Variants in DSPP observed in about 807,000 individuals in gnomAD.
DSPP encodes deafness, autosomal dominant 39.
Under a neutral mutation model 29.1 loss-of-function variants are expected in DSPP, and 28 were observed. The observed-to-expected ratio is 0.96, with a 90% CI of 0.71 to 1.32. DSPP has a LOEUF of 1.32. Among genes scored for constraint, DSPP ranks in the 40% most tolerant of loss-of-function variants. The pLI is 0.00. For synonymous variants in DSPP, 481 were observed against 503.4 expected, an observed-to-expected ratio of 0.96 and a Z score of 0.60; for missense variants, 1,281 against 1,629.9, an observed-to-expected ratio of 0.79 and a Z score of 3.69.
At chr4:87,610,016 A>T (rs984775306) in intron 1 of DSPP, among the ~76,000 whole-genome samples, 12 of 152,222 alleles carry the variant, frequency 7.9e-5, no homozygotes, top group Non-Finnish European at 1.5e-4. Context: ...GATATTGCTG[A>T]TAGTCATAAA....
intron 4 of DSPP, 50 bp downstream of exon 4, chr4:87,613,358 T>C (rs780479077): frequency 1.9e-6 from 3 of 1,592,472 alleles, no homozygotes; most frequent in Non-Finnish European, 2.6e-6. Context: ...ATTCTTCCCC[T>C]CCATCTATTG....
Position 87,613,439 on chromosome 4 carries a change from G to T in DSPP, c.1122+131G>T, listed in dbSNP as rs1578140472. The T allele has an allele frequency of 8.0e-6, 9 of 1,122,894 alleles. No individual in the cohort carries two copies. In the East Asian group the frequency reaches 2.3e-4, roughly 29 times the overall value. The allele number at this position is 1,122,894 out of a possible 1,614,324, so 69.6% of individuals were successfully genotyped here. A position where few individuals can be genotyped will look rare whatever the true frequency, so the allele number is the denominator to read the frequency against. On this transcript the variant is annotated intron_variant, in intron 4 of 4. Transcript: ENST00000651931. ...TATCCATATTACTTGACTATTTAAGGAAATCTAGAGTCCTTACTAGACTTC... is the reference window on the plus strand; with the variant it reads ...TATCCATATTACTTGACTATTTAAGTAAATCTAGAGTCCTTACTAGACTTC...
chr4:87,613,921 T>A lies in DSPP; in HGVS notation c.1259T>A (p.Val420Asp). 1.9e-6 allele frequency: 3 copies of A among 1,613,832 alleles called. 1 individual carries two copies. In the South Asian group the frequency reaches 3.3e-5, roughly 18 times the overall value. ...GGCAATGTCAAGACACAAGGAGAGG[T>A]TGTCAACATAGAAGGACCTGGCCAA... ...GKGNVKTQGE[V>D]VNIEGPGQKS... Residue 420 changes from valine (V) to aspartate (D), a missense_variant, in exon 5 of 5, where the codon GTT becomes GAT. This residue lies in a region of DSPP where 631 missense variants were observed against 643.2 expected (regional missense o/e 0.98). Transcript: ENST00000651931.
In DSPP at chr4:87,614,498, CAGTAGTGAT is replaced by C. The variant is rs1270405253; in HGVS notation, c.1845_1853del (p.Ser620_Ser622del). On this transcript the variant is annotated inframe_deletion, in exon 5 of 5. Coordinates refer to ENST00000651931, the MANE Select transcript of DSPP (RefSeq NM_014208.3). ...GTAGTGACAGCAGTGATAGCAGTGACAGTAGTGATAGTAGTGACAGCAGTGACAGCAAGT... is the reference window on the plus strand; with the variant it reads ...GTAGTGACAGCAGTGATAGCAGTGACAGTAGTGACAGCAGTGACAGCAAGT... The C allele has an allele frequency of 2.6e-6, 4 of 1,551,302 alleles. No homozygotes were observed. The highest frequency in any genetic ancestry group is 2.6e-6 in the Non-Finnish European group (3 of 1,146,920).
chr4:87,611,147 G>A (rs946692302), intron 2 of DSPP, among the ~76,000 whole-genome samples, 188 bp downstream of exon 2: 1 of 150,748 alleles, frequency 6.6e-6, no homozygotes, highest in Non-Finnish European at 1.5e-5. Context: ...ATTTAGATTT[G>A]CACTAAGGGC....
At position 87,612,954 on chromosome 4, in the gene DSPP, C is replaced by T. The variant is rs374400491; in HGVS notation, c.768C>T (p.Asp256=). The change falls in exon 4 of 5, where the codon GAC becomes GAT. Residue 256 remains aspartate, a synonymous_variant. Transcript: ENST00000651931. ...PSGNGADEDE[D]EGSGDDEDEE... is the part of the protein sequence containing the mutation. Reference sequence around the variant, plus strand: ...GGAATGGAGCAGATGAGGATGAAGACGAGGGTTCTGGTGATGATGAAGATG... The same window carrying T: ...GGAATGGAGCAGATGAGGATGAAGATGAGGGTTCTGGTGATGATGAAGATG... The T allele has an allele frequency of 1.6e-4, 252 of 1,613,714 alleles. No individual in the cohort carries two copies. The African/African-American group carries it at 1.7e-3, about 11-fold the overall frequency.
At chr4:87,610,405 A>G (rs1240090485) in intron 1 of DSPP, among the ~76,000 whole-genome samples, 1 of 152,210 alleles carries the variant, frequency 6.6e-6, no homozygotes, top group East Asian at 1.9e-4. Context: ...CTCTGAATAC[A>G]AACCCCGTAT....
rs200350687 is a variant in DSPP, at chr4:87,615,021, G to A, written c.2359G>A (p.Asp787Asn). 2,228 of 1,548,688 alleles carry A rather than the reference G, an allele frequency of 1.4e-3. 20 individuals carry two copies. In the African/African-American group the frequency reaches 0.023, roughly 16 times the overall value. Residue 787 changes from aspartate (D) to asparagine (N), a missense_variant, in exon 5 of 5, where the codon GAC (aspartate) becomes AAC (asparagine). Asp to Asn is a conservative substitution (Grantham distance 23). Coordinates refer to ENST00000651931, the MANE Select transcript of DSPP (RefSeq NM_014208.3). Reference protein sequence around the residue: ...SDSSNSSDSNDSSNSSDSSDS... With the variant: ...SDSSNSSDSNNSSNSSDSSDS... ...CAGCAGCAACAGCAGTGATAGCAACGACAGCAGCAATAGCAGTGACAGCAG... is the reference window on the plus strand; with the variant it reads ...CAGCAGCAACAGCAGTGATAGCAACAACAGCAGCAATAGCAGTGACAGCAG...
chr4:87,616,334 CAGCAGCGACAGCAGTGACAGCAATGAA>C lies in DSPP; in HGVS notation c.3695_3721del (p.Asn1232_Ser1240del), dbSNP rs1727950506. The C allele has an allele frequency of 8.0e-6, 12 of 1,498,594 alleles. No individual in the cohort carries two copies. The highest frequency in any genetic ancestry group is 2.5e-5 in the South Asian group (2 of 80,576). The allele number at this position is 1,498,594 out of a possible 1,614,324, so 92.8% of individuals were successfully genotyped here. ...GCAGTGACAGCAGCGACAGCAGTGA[CAGCAGCGACAGCAGTGACAGCAATGAA>C]AGCAGCGACAGCAGTGACAGCAGCG... On this transcript the variant is annotated inframe_deletion, in exon 5 of 5. Coordinates refer to ENST00000651931, the MANE Select transcript of DSPP (RefSeq NM_014208.3).
Position 87,614,485 on chromosome 4 carries a change from G to T in DSPP, c.1823G>T (p.Ser608Ile), listed in dbSNP as rs752694850. ...AATAGCAGTGACAGTAGTGACAGCA[G>T]TGATAGCAGTGACAGTAGTGATAGT... is the stretch of plus-strand genomic sequence containing the variant. ...SSNSSDSSDSSDSSDSSDSSD... is the reference protein window; with the variant it reads ...SSNSSDSSDSIDSSDSSDSSD... The change falls in exon 5 of 5, where the codon AGT becomes ATT. Residue 608 changes from serine (S) to isoleucine (I), a missense_variant. By Grantham distance (142) the Ser-to-Ile change is moderately radical. Transcript: ENST00000651931. The T allele has an allele frequency of 1.7e-5, 26 of 1,551,634 alleles. No individual in the cohort carries two copies. The highest frequency in any genetic ancestry group is 2.1e-5 in the Non-Finnish European group (24 of 1,147,026).
rs988621549 is a variant in DSPP at position 87,613,789 on chromosome 4, T to C, written c.1127T>C (p.Ile376Thr). Residue 376 changes from isoleucine to threonine, a missense_variant, in exon 5 of 5, where the codon ATA becomes ACA. Ile to Thr is a moderately conservative substitution (Grantham distance 89, BLOSUM62 -1). Coordinates refer to ENST00000651931, the MANE Select transcript of DSPP (RefSeq NM_014208.3). ...CTTTCCTCCATCCTTCCATAGGGAA[T>C]AGAAATCAAGGGTCCCAGCAGTGGC... is the stretch of plus-strand genomic sequence containing the variant. ...HAVGKSQDKGIEIKGPSSGNR... is the reference protein window; with the variant it reads ...HAVGKSQDKGTEIKGPSSGNR... 1.9e-6 allele frequency: 3 copies of C among 1,614,124 alleles called. No homozygotes were observed. Among genetic ancestry groups the C allele is most frequent in the Non-Finnish European group, 1.7e-6 (2 of 1,180,008 alleles).
rs368745275 is a variant in DSPP at position 87,615,506 on chromosome 4, T to A, written c.2844T>A (p.Ser948Arg). The A allele has an allele frequency of 2.7e-4, 416 of 1,542,096 alleles. No homozygotes were observed. Among genetic ancestry groups the A allele is most frequent in the Admixed American group, 6.7e-4 (34 of 50,530 alleles). The change falls in exon 5 of 5, where the codon AGT becomes AGA. Residue 948 changes from serine (S) to arginine (R), a missense_variant. Ser to Arg is a moderately radical substitution (Grantham distance 110, BLOSUM62 -1). This residue lies in a region of DSPP where 444 missense variants were observed against 611.4 expected (regional missense o/e 0.73). Transcript: ENST00000651931. ...SSNSSDSSDS[S>R]DSSNSSDSSN... The stretch of plus-strand genomic sequence containing the variant: ...ACAGCAGTGACAGCAGTGATAGCAG[T>A]GACAGCAGTAATAGTAGTGACAGCA...
chr4:87,616,526 C>CAGTGAA lies in DSPP; in HGVS notation c.3865_3870dup (p.Ser1289_Glu1290dup). On this transcript the variant is annotated inframe_insertion, in exon 5 of 5. Coordinates refer to ENST00000651931, the MANE Select transcript of DSPP (RefSeq NM_014208.3). ...ACAATGGAAGTGACAGTGACAGTGACAGTGAAGGCAGTGACAGTAACCACT... is the reference window on the plus strand; with the variant it reads ...ACAATGGAAGTGACAGTGACAGTGACAGTGAAAGTGAAGGCAGTGACAGTAACCACT... The CAGTGAA allele has an allele frequency of 6.4e-7, 1 of 1,551,718 alleles. No homozygotes were observed.
intron 2 of DSPP, 100 bp from the exon 3 acceptor site, chr4:87,612,005 G>T (rs1232524507): frequency 1.7e-6 from 2 of 1,210,750 alleles, no homozygotes; most frequent in East Asian, 2.6e-5. Context: ...ATGGAGGGAA[G>T]AATATTTGTG....
rs143587780 is a variant in DSPP at position 87,616,706 on chromosome 4, T to A, written c.*138T>A. The stretch of plus-strand genomic sequence containing the variant: ...AACAAAAACAACTGGGGGAATCAAA[T>A]CAAACAGTTGGATTCAGAACCAAGA... On this transcript the variant is annotated 3_prime_UTR_variant, in exon 5 of 5. Transcript: ENST00000651931. 2.8e-4 allele frequency: 395 copies of A among 1,429,520 alleles called. 1 individual carries two copies. In the African/African-American group the frequency reaches 4.7e-3, roughly 17 times the overall value. The allele number at this position is 1,429,520 out of a possible 1,614,324, so 88.6% of individuals were successfully genotyped here.
rs1463158209 is a variant in DSPP, at chr4:87,616,358, T to C, written c.3696T>C (p.Asn1232=). 5.4e-6 allele frequency: 8 copies of C among 1,470,036 alleles called. No homozygotes were observed. Among genetic ancestry groups the C allele is most frequent in the African/African-American group, 2.0e-5 (1 of 50,286 alleles). The allele number at this position is 1,470,036 out of a possible 1,614,324, so 91.1% of individuals were successfully genotyped here. ...ACAGCAGCGACAGCAGTGACAGCAA[T>C]GAAAGCAGCGACAGCAGTGACAGCA... ...SSDSSDSSDS[N]ESSDSSDSSD... is the part of the protein sequence containing the mutation. Residue 1232 remains asparagine, a synonymous_variant, in exon 5 of 5, where the codon AAT becomes AAC. Coordinates refer to ENST00000651931, the MANE Select transcript of DSPP (RefSeq NM_014208.3).
Position 87,612,977 on chromosome 4 carries a change from A to C in DSPP, c.791A>C (p.Asp264Ala), listed in dbSNP as rs1046304741. 2 of 1,614,182 alleles carry C rather than the reference A, an allele frequency of 1.2e-6. No individual in the cohort carries two copies. Among genetic ancestry groups the C allele is most frequent in the Non-Finnish European group, 1.7e-6 (2 of 1,180,030 alleles). ...DEDEGSGDDE[D>A]EEAGNGKDSS... ...GACGAGGGTTCTGGTGATGATGAAG[A>C]TGAAGAAGCAGGGAATGGAAAAGAC... The change falls in exon 4 of 5, where the codon GAT (aspartate) becomes GCT (alanine). Residue 264 changes from aspartate (D) to alanine (A), a missense_variant. Physicochemically the swap from Asp to Ala is moderately radical, Grantham distance 126 (BLOSUM62 -2). Coordinates refer to ENST00000651931, the MANE Select transcript of DSPP (RefSeq NM_014208.3).
At position 87,610,963 on chromosome 4, in the gene DSPP, A is replaced by C. The variant is rs777298191; in HGVS notation, c.51+4A>C. ...GGCAGTAGCATGGGCCATTCCAGTA[A>C]GTATGCCTTTCTTAGAAAACCTCTT... On this transcript the variant is annotated splice_donor_region_variant and intron_variant, in intron 2 of 4. Transcript: ENST00000651931. 1 of 1,612,548 alleles carries C rather than the reference A, an allele frequency of 6.2e-7. No individual in the cohort carries two copies. The highest frequency in any genetic ancestry group is 2.2e-5 in the East Asian group (1 of 44,842).
rs372743728 is a variant in DSPP at position 87,614,453 on chromosome 4, T to C, written c.1791T>C (p.Asp597=). ...SSDSSDSDSS[D]SSNSSDSSDS... Reference sequence around the variant, plus strand: ...ATAGCAGTGACAGTGATAGTAGTGATAGCAGCAATAGCAGTGACAGTAGTG... The same window carrying C: ...ATAGCAGTGACAGTGATAGTAGTGACAGCAGCAATAGCAGTGACAGTAGTG... The change falls in exon 5 of 5, where the codon GAT becomes GAC. Residue 597 remains aspartate, a synonymous_variant. Coordinates refer to ENST00000651931, the MANE Select transcript of DSPP (RefSeq NM_014208.3). 7.7e-5 allele frequency: 120 copies of C among 1,551,934 alleles called. No individual in the cohort carries two copies. In the African/African-American group the frequency reaches 1.4e-3, roughly 18 times the overall value.
Sources: gnomAD v4.1 joint callset for allele counts (sites outside exome capture counted in the v4.1 genomes callset) on GRCh38, gnomAD v4.1.1 for gene constraint, gnomAD v4.1.1 regional missense constraint, MANE v1.5 for transcripts, NCBI Gene and HGNC (gene_info 2026-07-23, HGNC 2026-07-21) for gene names.